Variants in HGD observed in about 807,000 individuals in gnomAD.
The protein encoded by HGD is homogentisate oxidase.
Under a neutral mutation model 60.8 loss-of-function variants are expected in HGD, and 61 were observed. That is an observed-to-expected ratio of 1.00 (90% CI 0.82 to 1.24). The LOEUF (loss-of-function observed/expected upper bound fraction) is 1.24. Among genes scored for constraint, HGD ranks in the 50% most tolerant of loss-of-function variants. HGD has a pLI of 0.00. For synonymous variants in HGD, 212 were observed against 187.7 expected (o/e 1.13, Z -1.06); for missense variants, 542 against 547.1 (o/e 0.99, Z 0.09).
At chr3:120,640,236 G>A (rs1940925608) in intron 11 of HGD, among the ~76,000 whole-genome samples, 1 of 150,546 alleles carries the variant, frequency 6.6e-6, no homozygotes, top group South Asian at 2.1e-4. Flanking sequence ...TGGCGGGGAT[G>A]GGGGAAAAAG....
chr3:120,644,458 C>T lies in HGD; in HGVS notation c.650-15G>A. On this transcript the variant is annotated splice_polypyrimidine_tract_variant and intron_variant, in intron 9 of 13. Transcript: ENST00000283871. Reference sequence around the variant, plus strand: ...GCCATTGGCCCCTAGAAAACAGTAACCCAAAAGTCTTTTAGAAACTTCCAA... The same window carrying T: ...GCCATTGGCCCCTAGAAAACAGTAATCCAAAAGTCTTTTAGAAACTTCCAA... 1.2e-6 allele frequency: 2 copies of T among 1,613,938 alleles called. No homozygotes were observed. The highest frequency in any genetic ancestry group is 2.7e-5 in the African/African-American group (2 of 75,008).
At chr3:120,633,735 C>G (rs1188155374) in intron 12 of HGD, 1 of 529,264 alleles carries the variant, frequency 1.9e-6, no homozygotes, top group Non-Finnish European at 3.1e-6. Context: ...CCAAGTAGCT[C>G]CACTGTAGGA....
At chr3:120,660,936 C>T (rs1219597655) in intron 4 of HGD, among the ~76,000 whole-genome samples, 2 of 152,182 alleles carry the variant, frequency 1.3e-5, no homozygotes, top group Non-Finnish European at 2.9e-5. Flanking sequence ...AAATCCATTA[C>T]CTAGCACCTA....
At position 120,652,697 on chromosome 3, in the gene HGD, A is replaced by G. The variant is rs370444293; in HGVS notation, c.283-46T>C. Reference sequence around the variant, plus strand: ...CAGAAAAATTACTTCACAAGGGTAAACCATAGACCTTCTAAATAAATAGCA... The same window carrying G: ...CAGAAAAATTACTTCACAAGGGTAAGCCATAGACCTTCTAAATAAATAGCA... On this transcript the variant is annotated intron_variant, in intron 4 of 13. Coordinates refer to ENST00000283871, the MANE Select transcript of HGD (RefSeq NM_000187.4). 234 of 1,292,760 alleles carry G rather than the reference A, an allele frequency of 1.8e-4. 1 individual carries two copies. The highest frequency in any genetic ancestry group is 2.0e-4 in the Non-Finnish European group (177 of 891,984). 80.1% of individuals were successfully genotyped at this position (1,292,760 alleles called of 1,614,324 possible).
chr3:120,641,852 T>C, intron 10 of HGD, 159 bp from the exon 11 acceptor site: 2 of 666,780 alleles, frequency 3.0e-6, no homozygotes, highest in Non-Finnish European at 5.4e-6. Flanking sequence ...CTGAATCATT[T>C]TGTGGTTGCT....
intron 13 of HGD, among the ~76,000 whole-genome samples, chr3:120,628,733 C>A (rs1940495200): frequency 6.6e-6 from 1 of 152,136 alleles, no homozygotes; most frequent in Admixed American, 6.6e-5. Context: ...AGACCTGGTA[C>A]AAGACCCTTA....
intron 12 of HGD, among the ~76,000 whole-genome samples, chr3:120,634,396 A>G (rs536183923): frequency 6.3e-4 from 96 of 152,244 alleles, no homozygotes; most frequent in Non-Finnish European, 1.2e-3. Flanking sequence ...GAAATATAAC[A>G]CCTGGGCAAA....
intron 11 of HGD, among the ~76,000 whole-genome samples, chr3:120,641,156 A>G (rs1165519146): frequency 1.3e-5 from 2 of 152,174 alleles, no homozygotes; most frequent in Non-Finnish European, 2.9e-5. Flanking sequence ...TACAGCCAGG[A>G]ATGAAGGCAC....
chr3:120,649,968 GA>G (rs1047572870), intron 6 of HGD, among the ~76,000 whole-genome samples: 1 of 151,486 alleles, frequency 6.6e-6, no homozygotes. Context: ...CTCCTTTTAA[GA>G]AAAAAAACGT....
In HGD at chr3:120,644,413, A is replaced by G. The variant is rs1941093400; in HGVS notation, c.680T>C (p.Phe227Ser). 5 of 1,614,158 alleles carry G rather than the reference A, an allele frequency of 3.1e-6. No homozygotes were observed. The highest frequency in any genetic ancestry group is 3.4e-6 in the Non-Finnish European group (4 of 1,179,996). Residue 227 changes from phenylalanine to serine, a missense_variant, in exon 10 of 14, where the codon TTC becomes TCC. By Grantham distance (155) the Phe-to-Ser change is radical. Around this residue, in one of 2 missense-constraint regions of HGD, gnomAD observed 537 missense variants for 529.1 expected, o/e 1.01. Coordinates refer to ENST00000283871, the MANE Select transcript of HGD (RefSeq NM_000187.4). ...GANGLANPRD[F>S]LIPIAWYEDR... ...CTCATACCAGGCAATGGGTATCAAG[A>G]AATCACGAGGATTGGCCAAGCCATT...
At chr3:120,670,804 TTG>T (rs1708010213) in intron 3 of HGD, among the ~76,000 whole-genome samples, 1 of 152,154 alleles carries the variant, frequency 6.6e-6, no homozygotes, top group South Asian at 2.1e-4. Context: ...AAATGAAGAA[TTG>T]TCTTTTCTAA....
intron 6 of HGD, among the ~76,000 whole-genome samples, chr3:120,648,329 G>A (rs550128558): frequency 2.7e-4 from 41 of 152,316 alleles, no homozygotes; most frequent in Non-Finnish European, 4.3e-4. Flanking sequence ...AGGAGGGCAC[G>A]CGGCAGCTTG....
intron 13 of HGD, among the ~76,000 whole-genome samples, chr3:120,630,850 A>AT (rs1559780539): frequency 7.4e-6 from 1 of 135,472 alleles, no homozygotes; most frequent in Non-Finnish European, 1.6e-5. Context: ...ACATACACAC[A>AT]CACACACACA....
intron 9 of HGD, among the ~76,000 whole-genome samples, chr3:120,645,597 T>G (rs1941132673): frequency 6.6e-6 from 1 of 152,188 alleles, no homozygotes; most frequent in Non-Finnish European, 1.5e-5. Flanking sequence ...GGGTGTGGTT[T>G]CTAGATCTCT....
At chr3:120,673,335 C>T (rs1207841353) in intron 3 of HGD, among the ~76,000 whole-genome samples, 1 of 152,176 alleles carries the variant, frequency 6.6e-6, no homozygotes, top group African/African-American at 2.4e-5. Context: ...AAGCTCAGCT[C>T]CTGCTGGCTG....
At chr3:120,640,129 G>T (rs1559784785) in intron 11 of HGD, among the ~76,000 whole-genome samples, 1 of 146,842 alleles carries the variant, frequency 6.8e-6, no homozygotes, top group Non-Finnish European at 1.5e-5. Flanking sequence ...AAGAGAGAGA[G>T]AAAGGAAGGA....
Position 120,647,879 on chromosome 3 carries a change from A to G in HGD, c.467T>C (p.Ile156Thr), listed in dbSNP as rs769475625. 2 of 1,612,048 alleles carry G rather than the reference A, an allele frequency of 1.2e-6. No individual in the cohort carries two copies. Among genetic ancestry groups the G allele is most frequent in the Non-Finnish European group, 1.7e-6 (2 of 1,178,130 alleles). The change falls in exon 7 of 14, where the codon ATT becomes ACT. Residue 156 changes from isoleucine (I) to threonine (T), a missense_variant and splice_region_variant. Physicochemically the swap from Ile to Thr is moderately conservative, Grantham distance 89. Transcript: ENST00000283871. ...CFYNSDGDFL[I>T]VPQKGNLLIY... ...GGTCTGAAGTCTTCAGAACTCACCA[A>G]TCAAGAAGTCCCCATCTGAATTGTA...
intron 13 of HGD, among the ~76,000 whole-genome samples, chr3:120,630,250 T>C (rs1339765712): frequency 1.3e-5 from 2 of 152,084 alleles, no homozygotes; most frequent in Non-Finnish European, 2.9e-5. Flanking sequence ...CCAACGACAT[T>C]CTTCACAGAA....
chr3:120,634,754 T>G (rs1940705283), intron 12 of HGD, among the ~76,000 whole-genome samples: 1 of 152,138 alleles, frequency 6.6e-6, no homozygotes, highest in African/African-American at 2.4e-5. Flanking sequence ...ATGTGAAGTA[T>G]AACCAAGTGC....
Sources: allele counts gnomAD v4.1 joint callset (sites outside exome capture counted in the v4.1 genomes callset), GRCh38; gene constraint gnomAD v4.1.1; regional missense constraint gnomAD v4.1.1; transcripts MANE v1.5; gene names NCBI Gene and HGNC (gene_info 2026-07-23, HGNC 2026-07-21).